The following CUX2 variants were observed in gnomAD, a reference collection of about 807,000 sequenced individuals.
CUX2 encodes cut like homeobox 2.
CUX2 carries 40 observed loss-of-function variants against 144.8 expected under a neutral mutation model. The observed-to-expected ratio is 0.28, with a 90% CI of 0.21 to 0.36. The LOEUF is 0.36. CUX2 is among the 10% of genes least tolerant of loss of function. The pLI is 1.00. For missense variants in CUX2, 1,615 were observed against 1,994.0 expected, an observed-to-expected ratio of 0.81 and a Z score of 3.62; for synonymous variants, 827 against 875.6, an observed-to-expected ratio of 0.94 and a Z score of 0.98.
At chr12:111,098,624 T>C (rs900220563) in intron 1 of CUX2, among the ~76,000 whole-genome samples, 1 of 152,112 alleles carries the variant, frequency 6.6e-6, no homozygotes, top group Non-Finnish European at 1.5e-5. Context: ...CAGTTGACAA[T>C]ATGGTGACAT....
intron 4 of CUX2, among the ~76,000 whole-genome samples, chr12:111,274,957 A>C (rs971886221): frequency 7.9e-5 from 12 of 151,996 alleles, no homozygotes; most frequent in South Asian, 2.1e-4. Flanking sequence ...GATTCAAAAA[A>C]AAAAAACAAA....
intron 1 of CUX2, among the ~76,000 whole-genome samples, chr12:111,163,385 G>C (rs1440704355): frequency 2.6e-5 from 4 of 152,228 alleles, no homozygotes; most frequent in Non-Finnish European, 5.9e-5. Flanking sequence ...ACGGTGGACA[G>C]TACCTCAATG....
At chr12:111,273,001 T>C (rs1459995778) in intron 4 of CUX2, among the ~76,000 whole-genome samples, 1 of 152,152 alleles carries the variant, frequency 6.6e-6, no homozygotes, top group Non-Finnish European at 1.5e-5. Flanking sequence ...AGCCGTGGCG[T>C]CTCATTAGCT....
rs59109985 is a variant in CUX2 at position 111,190,790 on chromosome 12, G to A, written c.64-23410G>A. On this transcript the variant is annotated intron_variant, in intron 1 of 21. Coordinates refer to ENST00000261726, the MANE Select transcript of CUX2 (RefSeq NM_015267.4). This position sits in a 1 kb window ranked among gnomAD's most constrained non-coding sequence, Gnocchi z 4.0. ...ATCAGTGAAGATCTCTCACTGTTGGGTCTGCTGCTACCCCAAAGCTGAATG... is the reference window on the plus strand; with the variant it reads ...ATCAGTGAAGATCTCTCACTGTTGGATCTGCTGCTACCCCAAAGCTGAATG... Among the ~76,000 whole-genome samples, 5,570 of 152,184 alleles carry A rather than the reference G, an allele frequency of 0.037. 358 individuals are homozygous for A. The highest frequency in any genetic ancestry group is 0.13 in the African/African-American group (5,267 of 41,500).
At chr12:111,325,905 A>G (rs1421432790) in intron 18 of CUX2, among the ~76,000 whole-genome samples, 1 of 6,436 alleles carries the variant, frequency 1.6e-4, no homozygotes, top group Non-Finnish European at 5.1e-4. Context: ...GTGTTGGGGG[A>G]GGGGTGGGTT....
chr12:111,159,350 A>C (rs1336984445), intron 1 of CUX2, among the ~76,000 whole-genome samples: 1 of 150,468 alleles, frequency 6.6e-6, no homozygotes, highest in East Asian at 2.0e-4. Context: ...GGGTCTCACT[A>C]CATTACCCAG....
chr12:111,253,150 A>T (rs1883649913), intron 3 of CUX2, among the ~76,000 whole-genome samples: 1 of 152,008 alleles, frequency 6.6e-6, no homozygotes, highest in African/African-American at 2.4e-5. Flanking sequence ...CCAGACCCTC[A>T]GTCCCTTCTC....
At chr12:111,042,273 TCCGGA>T (rs1482902164) in intron 1 of CUX2, among the ~76,000 whole-genome samples, 14 of 152,112 alleles carry the variant, frequency 9.2e-5, no homozygotes, top group Non-Finnish European at 1.0e-4. Context: ...GTGTTGCGGA[TCCGGA>T]GACCACAGGG....
rs575551537 is a variant in CUX2, at chr12:111,160,670, G to T, written c.64-53530G>T. 2.0e-5 allele frequency among the ~76,000 whole-genome samples: 3 copies of T among 152,158 alleles called. No individual in the cohort carries two copies. Among genetic ancestry groups the T allele is most frequent in the African/African-American group, 7.2e-5 (3 of 41,438 alleles). ...ATGGAGGGCTATGCAGAGGAGTGAC[G>T]CAGTCCAGTGGCATTTTCAGGGGAT... On this transcript the variant is annotated intron_variant, in intron 1 of 21. Coordinates refer to ENST00000261726, the MANE Select transcript of CUX2 (RefSeq NM_015267.4). The surrounding 1 kb of genome is among the most constrained non-coding windows in gnomAD (Gnocchi z 4.1).
rs138958715 is a variant in CUX2 at position 111,125,541 on chromosome 12, C to T, written c.64-88659C>T. On this transcript the variant is annotated intron_variant, in intron 1 of 21. Coordinates refer to ENST00000261726, the MANE Select transcript of CUX2 (RefSeq NM_015267.4). The stretch of plus-strand genomic sequence containing the variant: ...CCTTTTATGTCTGGCATCATGTTTT[C>T]AAGGTTCATCCATGTTGGCACATGG... 2.0e-3 allele frequency among the ~76,000 whole-genome samples: 312 copies of T among 152,316 alleles called. 1 individual carries two copies. The highest frequency in any genetic ancestry group is 3.5e-3 in the Non-Finnish European group (238 of 68,030).
chr12:111,216,503 G>A (rs1185689465), intron 2 of CUX2, among the ~76,000 whole-genome samples: 1 of 152,184 alleles, frequency 6.6e-6, no homozygotes, highest in African/African-American at 2.4e-5. Flanking sequence ...GATTTCCGGT[G>A]CCTTTTGAGA....
At chr12:111,153,375 TAGTC>T (rs557414599) in intron 1 of CUX2, among the ~76,000 whole-genome samples, 55 of 152,322 alleles carry the variant, frequency 3.6e-4, no homozygotes, top group Non-Finnish European at 6.6e-4. Flanking sequence ...AATGCGTTGT[TAGTC>T]AGTTTCATTG....
intron 3 of CUX2, among the ~76,000 whole-genome samples, chr12:111,235,095 G>A (rs1365316189): frequency 6.6e-6 from 1 of 152,180 alleles, no homozygotes; most frequent in South Asian, 2.1e-4. Flanking sequence ...AAGAGGTTGA[G>A]TGAGCTGGTA....
chr12:111,217,886 T>A lies in CUX2; in HGVS notation c.175-4T>A. On this transcript the variant is annotated splice_region_variant and splice_polypyrimidine_tract_variant and intron_variant, in intron 2 of 21. Coordinates refer to ENST00000261726, the MANE Select transcript of CUX2 (RefSeq NM_015267.4). ...AGTGAACTCTTTGCTGATCTCTTTT[T>A]CAGGAAATCAGAGAGATGGTGGCTC... is the stretch of plus-strand genomic sequence containing the variant. 6.2e-7 allele frequency: 1 copy of A among 1,614,080 alleles called. No individual in the cohort carries two copies. Among genetic ancestry groups the A allele is most frequent in the Non-Finnish European group, 8.5e-7 (1 of 1,180,010 alleles).
intron 1 of CUX2, among the ~76,000 whole-genome samples, chr12:111,150,477 G>A (rs1876967059): frequency 6.6e-6 from 1 of 152,136 alleles, no homozygotes. Context: ...CGGGGCTCCG[G>A]GAGAAAGCTG....
At position 111,295,500 on chromosome 12, in the gene CUX2, C is replaced by G. The variant is rs367753058; in HGVS notation, c.637+91C>G. On this transcript the variant is annotated intron_variant, in intron 7 of 21. Coordinates refer to ENST00000261726, the MANE Select transcript of CUX2 (RefSeq NM_015267.4). This position sits in a 1 kb window ranked among gnomAD's most constrained non-coding sequence, Gnocchi z 5.0. ...GGTCACGGCTTGGGGTCTGCCACAT[C>G]CAGGTGTTTTAGAATCAAGAGGGCA... 2 of 1,133,866 alleles carry G rather than the reference C, an allele frequency of 1.8e-6. No homozygotes were observed. Among genetic ancestry groups the G allele is most frequent in the Non-Finnish European group, 2.5e-6 (2 of 799,864 alleles). 70.2% of individuals were successfully genotyped at this position (1,133,866 alleles called of 1,614,324 possible). A position where few individuals can be genotyped will look rare whatever the true frequency, so the allele number is the denominator to read the frequency against.
At chr12:111,197,327 C>A (rs577155991) in intron 1 of CUX2, among the ~76,000 whole-genome samples, 2 of 152,134 alleles carry the variant, frequency 1.3e-5, no homozygotes, top group Non-Finnish European at 2.9e-5. Flanking sequence ...TCTGCCTGGC[C>A]CCCAGGACTG....
intron 1 of CUX2, among the ~76,000 whole-genome samples, chr12:111,191,489 G>A (rs1209942832): frequency 6.6e-6 from 1 of 151,880 alleles, no homozygotes; most frequent in African/African-American, 2.4e-5. Context: ...ACGCCACCAC[G>A]CCAGCTAATT....
At chr12:111,242,058 T>G (rs1230409251) in intron 3 of CUX2, among the ~76,000 whole-genome samples, 1 of 152,278 alleles carries the variant, frequency 6.6e-6, no homozygotes, top group Non-Finnish European at 1.5e-5. Flanking sequence ...GCTTCTATTA[T>G]GTGCCAGATG....
Sources: gnomAD v4.1 joint callset for allele counts (sites outside exome capture counted in the v4.1 genomes callset) on GRCh38, gnomAD v4.1.1 for gene constraint, Gnocchi (gnomAD v3.1) non-coding constraint, MANE v1.5 for transcripts, NCBI Gene and HGNC (gene_info 2026-07-23, HGNC 2026-07-21) for gene names.